CLHC1: variants seen among roughly 807,000 people sequenced by gnomAD.
CLHC1 encodes the protein clathrin heavy chain linker domain-containing protein 1.
A neutral mutation model predicts 69.5 loss-of-function variants in CLHC1; 72 were observed. The ratio of observed to expected loss-of-function variants is 1.04; its 90% CI spans 0.86 to 1.26. The LOEUF is 1.26. CLHC1 is among the 50% of genes most tolerant of loss of function. The probability of loss-of-function intolerance (pLI) is 0.00; values close to 1 mark genes in which losing one functional copy is unlikely to be tolerated. For missense variants in CLHC1, 790 were observed against 679.3 expected, an observed-to-expected ratio of 1.16 and a Z score of -1.81; for synonymous variants, 223 against 224.3, an observed-to-expected ratio of 0.99 and a Z score of 0.05.
intron 9 of CLHC1, among the ~76,000 whole-genome samples, chr2:55,196,565 G>A (rs1001453116): frequency 4.6e-5 from 7 of 152,154 alleles, no homozygotes; most frequent in African/African-American, 1.7e-4. Context: ...CAAACTCCGG[G>A]ACAACATTTC....
intron 5 of CLHC1, among the ~76,000 whole-genome samples, chr2:55,212,437 T>C (rs1402042692): frequency 6.6e-6 from 1 of 152,184 alleles, no homozygotes; most frequent in East Asian, 1.9e-4. Flanking sequence ...CAGGAAACCA[T>C]ACTTCAGGAG....
At chr2:55,184,119 T>TTTTTC (rs1306838546) in intron 9 of CLHC1, among the ~76,000 whole-genome samples, 1 of 150,266 alleles carries the variant, frequency 6.7e-6, no homozygotes, top group Non-Finnish European at 1.5e-5. Flanking sequence ...TTTTTTTTTT[T>TTTTTC]TTTCGAGACA....
At chr2:55,177,578 C>G in intron 12 of CLHC1, 24 bp downstream of exon 12, 15 of 1,535,576 alleles carry the variant, frequency 9.8e-6, no homozygotes, top group Non-Finnish European at 1.2e-5. Context: ...TACTATTTCT[C>G]CCACAACATT....
intron 11 of CLHC1, among the ~76,000 whole-genome samples, chr2:55,180,208 A>G (rs563196703): frequency 4.6e-5 from 7 of 152,172 alleles, no homozygotes; most frequent in African/African-American, 1.4e-4. Context: ...AAAATCATAT[A>G]TGTAGTATGT....
At chr2:55,230,012 C>T (rs371173872) in intron 1 of CLHC1, among the ~76,000 whole-genome samples, 12 of 152,170 alleles carry the variant, frequency 7.9e-5, no homozygotes, top group Admixed American at 4.6e-4. Context: ...GCAGAGTTTG[C>T]GGTGAGCCAA....
intron 1 of CLHC1, among the ~76,000 whole-genome samples, chr2:55,231,646 A>G (rs919746233): frequency 6.6e-6 from 1 of 152,190 alleles, no homozygotes; most frequent in Non-Finnish European, 1.5e-5. Context: ...AGAAGACATT[A>G]GAAAGGACTC....
In CLHC1 at chr2:55,177,649, T is replaced by A; in HGVS notation, c.1517A>T (p.Lys506Ile). ...AILHLFSADMKKVGIKLLQEI... is the reference protein window; with the variant it reads ...AILHLFSADMIKVGIKLLQEI... ...TTGAAGTAGCTTAATGCCAACTTTT[T>A]TCATGTCTGCAGAGAACAGATGAAG... is the stretch of plus-strand genomic sequence containing the variant. The change falls in exon 12 of 13, where the codon AAA (lysine) becomes ATA (isoleucine). Residue 506 changes from lysine to isoleucine, a missense_variant. By Grantham distance (102) the Lys-to-Ile change is moderately radical. Transcript: ENST00000401408. The A allele has an allele frequency of 6.2e-7, 1 of 1,609,182 alleles. No homozygotes were observed. Among genetic ancestry groups the A allele is most frequent in the South Asian group, 1.1e-5 (1 of 90,372 alleles).
intron 2 of CLHC1, among the ~76,000 whole-genome samples, chr2:55,223,005 T>C (rs965880906): frequency 6.7e-6 from 1 of 149,864 alleles, no homozygotes; most frequent in African/African-American, 2.5e-5. Context: ...CACCAGTCAA[T>C]GAAGAGCTCT....
chr2:55,195,230 C>T lies in CLHC1; in HGVS notation c.1006+11040G>A, dbSNP rs542037043. Among the ~76,000 whole-genome samples the T allele has an allele frequency of 2.4e-4, 36 of 152,252 alleles. No individual in the cohort carries two copies. The South Asian group carries it at 6.8e-3, about 29-fold the overall frequency. ...CCTTAGTTACCACCATTCCACTCTC[C>T]GCTTCTATGAATTCAACTTTTTTGG... On this transcript the variant is annotated intron_variant, in intron 9 of 12. Coordinates refer to ENST00000401408, the MANE Select transcript of CLHC1 (RefSeq NM_152385.4).
Position 55,219,391 on chromosome 2 carries a change from G to A in CLHC1, c.178-1393C>T, listed in dbSNP as rs1457638865. Among the ~76,000 whole-genome samples the A allele has an allele frequency of 2.6e-5, 4 of 152,092 alleles. No individual in the cohort carries two copies. The East Asian group carries it at 5.8e-4, about 22-fold the overall frequency. On this transcript the variant is annotated intron_variant, in intron 3 of 12. Transcript: ENST00000401408. Reference sequence around the variant, plus strand: ...GGCATATCACAGGTTGAATTCAGCTGGCAATTTTGCTTAACCAACAAAATA... The same window carrying A: ...GGCATATCACAGGTTGAATTCAGCTAGCAATTTTGCTTAACCAACAAAATA...
At chr2:55,195,908 T>C (rs145847653) in intron 9 of CLHC1, among the ~76,000 whole-genome samples, 40 of 152,338 alleles carry the variant, frequency 2.6e-4, no homozygotes, top group Non-Finnish European at 5.0e-4. Flanking sequence ...CACCTGATTA[T>C]AGCTTCATGT....
In CLHC1 at chr2:55,174,734, C is replaced by G. The variant is rs974768139; in HGVS notation, c.*1056G>C. On this transcript the variant is annotated 3_prime_UTR_variant, in exon 13 of 13. Coordinates refer to ENST00000401408, the MANE Select transcript of CLHC1 (RefSeq NM_152385.4). ...GATGGGAAAAGTTATGCTCTTTGCT[C>G]TTATTCTAATAGCAGATCATTTTCA... 1 of 152,122 alleles carries G rather than the reference C, an allele frequency of 6.6e-6. No homozygotes were observed. The highest frequency in any genetic ancestry group is 2.4e-5 in the African/African-American group (1 of 41,420). The allele number at this position is 152,122 out of a possible 1,614,324, so 9.4% of individuals were successfully genotyped here. A position where few individuals can be genotyped will look rare whatever the true frequency, so the allele number is the denominator to read the frequency against.
intron 9 of CLHC1, among the ~76,000 whole-genome samples, chr2:55,185,556 C>T (rs1441483858): frequency 6.6e-6 from 1 of 152,190 alleles, no homozygotes; most frequent in Non-Finnish European, 1.5e-5. Context: ...TGATGCAAAT[C>T]ATTTTTGCAG....
chr2:55,224,489 C>A, intron 2 of CLHC1: 2 of 371,924 alleles, frequency 5.4e-6, no homozygotes. Context: ...GTGCAGCAGG[C>A]TGTGTGGCCA....
chr2:55,191,572 C>T lies in CLHC1; in HGVS notation c.1007-9828G>A, dbSNP rs369062477. Among the ~76,000 whole-genome samples the T allele has an allele frequency of 1.9e-4, 29 of 152,100 alleles. No homozygotes were observed. The East Asian group carries it at 4.4e-3, about 23-fold the overall frequency. On this transcript the variant is annotated intron_variant, in intron 9 of 12. Coordinates refer to ENST00000401408, the MANE Select transcript of CLHC1 (RefSeq NM_152385.4). ...TACACAAAGAAATGAAGAATAGATA[C>T]GGTATATGCTATGAATGTAAGTATT...
At chr2:55,206,525 C>A in intron 8 of CLHC1, 149 bp from the exon 9 acceptor site, 3 of 633,514 alleles carry the variant, frequency 4.7e-6, no homozygotes, top group South Asian at 1.9e-5. Flanking sequence ...TAGAATCATT[C>A]ACACTGTAAG....
chr2:55,176,711 C>T (rs1669422058), intron 12 of CLHC1, among the ~76,000 whole-genome samples: 1 of 151,910 alleles, frequency 6.6e-6, no homozygotes, highest in Non-Finnish European at 1.5e-5. Flanking sequence ...TTTATTTCTA[C>T]CATAATTATT....
intron 2 of CLHC1, among the ~76,000 whole-genome samples, chr2:55,227,512 T>A (rs1231765855): frequency 6.6e-6 from 1 of 151,982 alleles, no homozygotes; most frequent in African/African-American, 2.4e-5. Flanking sequence ...ACCACATCTC[T>A]ACTAAAAATA....
At chr2:55,193,325 CT>C (rs907985571) in intron 9 of CLHC1, among the ~76,000 whole-genome samples, 48 of 148,692 alleles carry the variant, frequency 3.2e-4, no homozygotes, top group African/African-American at 7.6e-4. Context: ...CAGTGAAACA[CT>C]TTTTTTTTTA....
Sources: allele counts gnomAD v4.1 joint callset (sites outside exome capture counted in the v4.1 genomes callset), GRCh38; gene constraint gnomAD v4.1.1; transcripts MANE v1.5; gene names NCBI Gene and HGNC (gene_info 2026-07-23, HGNC 2026-07-21).